TMEM26: variants seen among roughly 807,000 people sequenced by gnomAD.
The protein encoded by TMEM26 is transmembrane protein 26.
TMEM26 carries 38 observed loss-of-function variants against 28.8 expected under a neutral mutation model. That is an observed-to-expected ratio of 1.32 (90% CI 1.02 to 1.73). The LOEUF is 1.73. TMEM26 is among the 40% of genes most tolerant of loss of function. The pLI is 0.00. For missense variants in TMEM26, 518 were observed against 447.1 expected (o/e 1.16, Z -1.43); for synonymous variants, 227 against 182.9 (o/e 1.24, Z -1.95).
intron 4 of TMEM26, among the ~76,000 whole-genome samples, chr10:61,419,030 A>C (rs1415456076): frequency 6.6e-6 from 1 of 152,180 alleles, no homozygotes; most frequent in Non-Finnish European, 1.5e-5. Context: ...CTACATAGCC[A>C]TAGGTGTGAC....
At chr10:61,426,739 A>G (rs1435944547) in intron 4 of TMEM26, among the ~76,000 whole-genome samples, 1 of 152,094 alleles carries the variant, frequency 6.6e-6, no homozygotes, top group African/African-American at 2.4e-5. Flanking sequence ...TTAGATATAA[A>G]TATCTTTTAC....
intron 5 of TMEM26, among the ~76,000 whole-genome samples, chr10:61,411,070 C>A (rs534764849): frequency 4.6e-5 from 7 of 152,148 alleles, no homozygotes; most frequent in Non-Finnish European, 5.9e-5. Flanking sequence ...GCTGAGGCTG[C>A]ACCATGGGGG....
intron 4 of TMEM26, among the ~76,000 whole-genome samples, chr10:61,426,038 C>T (rs1049614157): frequency 6.6e-6 from 1 of 152,098 alleles, no homozygotes; most frequent in African/African-American, 2.4e-5. Context: ...AAGTTATCCA[C>T]ATGTACATCT....
chr10:61,448,018 T>C (rs1026033526), intron 1 of TMEM26, among the ~76,000 whole-genome samples: 32 of 152,408 alleles, frequency 2.1e-4, no homozygotes, highest in Admixed American at 2.6e-4. Flanking sequence ...ATTTTGCCTG[T>C]TTATTCACTT....
At chr10:61,443,218 C>T (rs754711246) in intron 1 of TMEM26, among the ~76,000 whole-genome samples, 2 of 150,580 alleles carry the variant, frequency 1.3e-5, no homozygotes, top group Admixed American at 6.6e-5. Flanking sequence ...TTTGAGAGGC[C>T]GAGGTGGGCG....
chr10:61,426,578 A>G (rs561439480), intron 4 of TMEM26, among the ~76,000 whole-genome samples: 2 of 152,214 alleles, frequency 1.3e-5, no homozygotes, highest in African/African-American at 4.8e-5. Flanking sequence ...AAAATAGGGA[A>G]GAGATTTAGA....
intron 1 of TMEM26, among the ~76,000 whole-genome samples, chr10:61,446,841 A>AAAAAAAAAAAAAAAC (rs1840190621): frequency 6.9e-6 from 1 of 143,964 alleles, no homozygotes; most frequent in Non-Finnish European, 1.5e-5. Flanking sequence ...AAAAAAAAAA[A>AAAAAAAAAAAAAAAC]AAAAAAAAAA....
chr10:61,441,860 A>C (rs1287236964), intron 1 of TMEM26, among the ~76,000 whole-genome samples: 1 of 152,164 alleles, frequency 6.6e-6, no homozygotes, highest in Non-Finnish European at 1.5e-5. Context: ...TTGCTCAACT[A>C]TATTTTCATA....
chr10:61,412,440 G>T (rs1250409386), intron 5 of TMEM26, among the ~76,000 whole-genome samples: 3 of 152,136 alleles, frequency 2.0e-5, no homozygotes, highest in Non-Finnish European at 4.4e-5. Flanking sequence ...AAAAGATGGA[G>T]AAAAAGTTAA....
intron 1 of TMEM26, among the ~76,000 whole-genome samples, chr10:61,439,302 G>A (rs1840055732): frequency 6.6e-6 from 1 of 152,178 alleles, no homozygotes; most frequent in Admixed American, 6.5e-5. Flanking sequence ...ATGAAGGAAG[G>A]TCCTGGGTCT....
chr10:61,443,589 C>T (rs1840131574), intron 1 of TMEM26, among the ~76,000 whole-genome samples: 1 of 152,048 alleles, frequency 6.6e-6, no homozygotes, highest in Non-Finnish European at 1.5e-5. Context: ...AAATCCATTG[C>T]AATGAAATCT....
intron 5 of TMEM26, among the ~76,000 whole-genome samples, chr10:61,411,250 A>T (rs1293120118): frequency 4.6e-5 from 7 of 152,176 alleles, no homozygotes; most frequent in Non-Finnish European, 1.5e-5. Flanking sequence ...TCTTCCTTTG[A>T]AAACTGGGAT....
chr10:61,440,588 A>AC (rs891376207), intron 1 of TMEM26, among the ~76,000 whole-genome samples: 1 of 150,670 alleles, frequency 6.6e-6, no homozygotes, highest in Non-Finnish European at 1.5e-5. Context: ...CTTTAGAAAT[A>AC]CCCCCTCTCT....
rs553230161 is a variant in TMEM26, at chr10:61,412,592, T to A, written c.682+867A>T. ...AGTGACATCCAGGAGAATTCTCAAA[T>A]CAAAATTCTAGGGTTCCAAGAAGTT... On this transcript the variant is annotated intron_variant, in intron 5 of 5. Coordinates refer to ENST00000399298, the MANE Select transcript of TMEM26 (RefSeq NM_178505.8). Among the ~76,000 whole-genome samples, 291 of 152,218 alleles carry A rather than the reference T, an allele frequency of 1.9e-3. 1 individual carries two copies. The highest frequency in any genetic ancestry group is 3.5e-3 in the Non-Finnish European group (239 of 67,970).
At chr10:61,418,467 T>C (rs1839690159) in intron 4 of TMEM26, among the ~76,000 whole-genome samples, 2 of 152,036 alleles carry the variant, frequency 1.3e-5, no homozygotes, top group Admixed American at 6.6e-5. Flanking sequence ...GAATTTATGA[T>C]ATCAAGTTTC....
chr10:61,425,904 A>G (rs114154155), intron 4 of TMEM26, among the ~76,000 whole-genome samples: 1,807 of 152,290 alleles, frequency 0.012, 37 homozygotes, highest in African/African-American at 0.04. Flanking sequence ...AATTAAAGCT[A>G]TACTTAACAT....
intron 5 of TMEM26, among the ~76,000 whole-genome samples, chr10:61,411,827 A>G (rs941704508): frequency 1.3e-5 from 2 of 152,248 alleles, no homozygotes; most frequent in East Asian, 1.9e-4. Flanking sequence ...GCCTTCGTCT[A>G]CTGGAGCCTG....
intron 4 of TMEM26, among the ~76,000 whole-genome samples, chr10:61,423,162 T>C (rs994899615): frequency 2.6e-5 from 4 of 152,046 alleles, no homozygotes; most frequent in Admixed American, 1.3e-4. Context: ...AAATAGAATA[T>C]CTAAATAGAC....
At chr10:61,429,199 GAA>G in intron 3 of TMEM26, 53 bp from the exon 4 acceptor site, 1 of 1,467,174 alleles carries the variant, frequency 6.8e-7, no homozygotes, top group Non-Finnish European at 9.5e-7. Flanking sequence ...ACCTGAGAGA[GAA>G]ATATTTTCCT....
Sources: gnomAD v4.1 joint callset for allele counts (sites outside exome capture counted in the v4.1 genomes callset) on GRCh38, gnomAD v4.1.1 for gene constraint, MANE v1.5 for transcripts, NCBI Gene and HGNC (gene_info 2026-07-23, HGNC 2026-07-21) for gene names.